The following STPG4 variants were observed in gnomAD, a reference collection of about 807,000 sequenced individuals.
STPG4 encodes protein STPG4.
Under a neutral mutation model 31.5 loss-of-function variants are expected in STPG4, and 41 were observed. That is an observed-to-expected ratio of 1.30 (90% CI 1.01 to 1.69). The LOEUF (loss-of-function observed/expected upper bound fraction) is 1.69. STPG4 is among the 40% of genes most tolerant of loss of function. The pLI, the probability that STPG4 is intolerant of heterozygous loss-of-function variation, is 0.00. For synonymous variants in STPG4, 141 were observed against 103.0 expected (o/e 1.37, Z -2.24); for missense variants, 375 against 293.4 (o/e 1.28, Z -2.03).
At chr2:47,100,514 G>A (rs1202579576) in intron 5 of STPG4, among the ~76,000 whole-genome samples, 1 of 148,916 alleles carries the variant, frequency 6.7e-6, no homozygotes, top group African/African-American at 2.5e-5. Context: ...TCAGCAGGAT[G>A]TGGGTGGGGC....
chr2:47,102,324 C>T (rs1221499151), intron 5 of STPG4, among the ~76,000 whole-genome samples: 1 of 151,808 alleles, frequency 6.6e-6, no homozygotes, highest in Non-Finnish European at 1.5e-5. Context: ...CATCAACAGG[C>T]CCACCCTTGA....
At chr2:47,097,877 G>T (rs893649898) in intron 5 of STPG4, among the ~76,000 whole-genome samples, 1 of 151,310 alleles carries the variant, frequency 6.6e-6, no homozygotes, top group Non-Finnish European at 1.5e-5. Flanking sequence ...CAGCACTTTT[G>T]GAGGCCCACG....
intron 5 of STPG4, among the ~76,000 whole-genome samples, chr2:47,121,847 CGT>C (rs10538224): frequency 1.7e-3 from 251 of 144,322 alleles, no homozygotes; most frequent in East Asian, 8.9e-3. Flanking sequence ...GCCCTCTCCT[CGT>C]GTGTGTGTGT....
chr2:47,141,325 CAA>C (rs57032767), intron 3 of STPG4, among the ~76,000 whole-genome samples: 15 of 116,264 alleles, frequency 1.3e-4, no homozygotes, highest in Admixed American at 1.7e-4. Flanking sequence ...GGGACTTTCT[CAA>C]AAAAAAAAAA....
intron 6 of STPG4, 142 bp downstream of exon 6, chr2:47,090,128 T>A (rs1685539004): frequency 1.8e-6 from 1 of 552,544 alleles, no homozygotes; most frequent in African/African-American, 1.9e-5. Context: ...GACAGGCAAC[T>A]GTATCTACCA....
At chr2:47,097,127 C>A (rs1040436497) in intron 5 of STPG4, among the ~76,000 whole-genome samples, 1 of 152,010 alleles carries the variant, frequency 6.6e-6, no homozygotes, top group Non-Finnish European at 1.5e-5. Context: ...GATTCATGTG[C>A]AAAAGGGATT....
chr2:47,099,572 A>G (rs1024343223), intron 5 of STPG4, among the ~76,000 whole-genome samples: 2 of 152,270 alleles, frequency 1.3e-5, no homozygotes, highest in African/African-American at 4.8e-5. Flanking sequence ...GCGTGCTGGC[A>G]GTCCTCAGAG....
intron 3 of STPG4, among the ~76,000 whole-genome samples, chr2:47,148,903 A>G (rs1686880331): frequency 6.6e-6 from 1 of 152,224 alleles, no homozygotes; most frequent in African/African-American, 2.4e-5. Flanking sequence ...AAACTTTATT[A>G]CAAATAAAAA....
chr2:47,099,833 G>C (rs11884783), intron 5 of STPG4, among the ~76,000 whole-genome samples: 8,375 of 152,352 alleles, frequency 0.055, 355 homozygotes, highest in African/African-American at 0.11. Flanking sequence ...AGAGCAGCTG[G>C]TGGGCCCTGC....
chr2:47,134,875 A>C (rs1202777352), intron 3 of STPG4, among the ~76,000 whole-genome samples: 1 of 152,210 alleles, frequency 6.6e-6, no homozygotes, highest in Non-Finnish European at 1.5e-5. Context: ...TGATGTTGTC[A>C]GTGTTCTGGA....
intron 2 of STPG4, among the ~76,000 whole-genome samples, chr2:47,151,938 T>G (rs780729566): frequency 8.8e-4 from 129 of 146,576 alleles, no homozygotes; most frequent in Middle Eastern, 6.9e-3. Context: ...TTTTTTTTTG[T>G]ATTTTTAGTA....
intron 1 of STPG4, among the ~76,000 whole-genome samples, chr2:47,154,354 G>C (rs1375447690): frequency 6.6e-6 from 1 of 152,172 alleles, no homozygotes. Context: ...TTCTCAGGCA[G>C]GTCAAGACAG....
chr2:47,088,556 G>T (rs1685506224), intron 6 of STPG4, among the ~76,000 whole-genome samples: 1 of 152,202 alleles, frequency 6.6e-6, no homozygotes, highest in Admixed American at 6.5e-5. Flanking sequence ...GGGGCTATGA[G>T]GCTCACTGGT....
At chr2:47,092,610 G>T (rs1486123963) in intron 5 of STPG4, among the ~76,000 whole-genome samples, 1 of 127,280 alleles carries the variant, frequency 7.9e-6, no homozygotes, top group Non-Finnish European at 1.7e-5. Context: ...AAGGGGAGGG[G>T]AGAGGAGGAG....
At chr2:47,151,218 T>C in intron 3 of STPG4, 40 bp downstream of exon 3, 1 of 1,607,686 alleles carries the variant, frequency 6.2e-7, no homozygotes, top group South Asian at 1.1e-5. Flanking sequence ...GGGCTCTTAG[T>C]AGCTTTCCCA....
chr2:47,124,085 C>A (rs1686321497), intron 5 of STPG4, among the ~76,000 whole-genome samples: 1 of 152,108 alleles, frequency 6.6e-6, no homozygotes, highest in Non-Finnish European at 1.5e-5. Flanking sequence ...CAGGTTCTAG[C>A]AATTCTCCTG....
intron 5 of STPG4, among the ~76,000 whole-genome samples, chr2:47,103,738 G>C (rs752688683): frequency 1.8e-4 from 28 of 152,032 alleles, no homozygotes; most frequent in African/African-American, 6.5e-4. Context: ...CCCTGGGTCA[G>C]AAGCCCCTAA....
intron 5 of STPG4, among the ~76,000 whole-genome samples, chr2:47,105,191 T>C (rs1685885638): frequency 6.6e-6 from 1 of 151,960 alleles, no homozygotes; most frequent in Non-Finnish European, 1.5e-5. Context: ...GGGATAGCTC[T>C]TGGAGTCCTT....
chr2:47,101,475 G>C (rs1401315763), intron 5 of STPG4, among the ~76,000 whole-genome samples: 3 of 151,640 alleles, frequency 2.0e-5, no homozygotes, highest in African/African-American at 7.3e-5. Context: ...TGGGTCCTAA[G>C]GCCTGCCACA....
Sources: allele counts gnomAD v4.1 joint callset (sites outside exome capture counted in the v4.1 genomes callset), GRCh38; gene constraint gnomAD v4.1.1; transcripts MANE v1.5; gene names NCBI Gene and HGNC (gene_info 2026-07-23, HGNC 2026-07-21).